Variants in FRMPD4 observed in about 807,000 individuals in gnomAD.
The protein encoded by FRMPD4 is FERM and PDZ domain containing 4, also known as FERM and PDZ domain-containing protein 4.
A neutral mutation model predicts 94.1 loss-of-function variants in FRMPD4; 22 were observed. The ratio of observed to expected loss-of-function variants is 0.23; its 90% CI spans 0.17 to 0.33. The LOEUF (loss-of-function observed/expected upper bound fraction) is 0.33. Among genes scored for constraint, FRMPD4 ranks in the 10% least tolerant of loss-of-function variants. FRMPD4 has a pLI of 1.00. For synonymous variants in FRMPD4, 631 were observed against 548.6 expected (o/e 1.15, Z -2.10); for missense variants, 1,111 against 1,339.9 (o/e 0.83, Z 2.67).
chrX:11,837,371 T>A (rs775523426), intron 1 of FRMPD4, among the ~76,000 whole-genome samples: 1 of 111,618 alleles, frequency 9.0e-6, no homozygotes, highest in Admixed American at 9.5e-5. Flanking sequence ...TTTGAGAAAA[T>A]TTTTTTGGAA....
intron 16 of FRMPD4, 96 bp downstream of exon 16, chrX:12,718,886 G>A: frequency 1.8e-6 from 1 of 547,132 alleles, no homozygotes; most frequent in South Asian, 3.2e-5. Flanking sequence ...TGGAAGAAAA[G>A]TAAAAGGTAG....
At position 12,717,202 on chromosome X, in the gene FRMPD4, CT is replaced by C. The variant is rs1454416331; in HGVS notation, c.2674+70del. Reference sequence around the variant, plus strand: ...TTCCATCCTTCCAAGCCATTTGCCCCTGGAGTCCTGTTACGTGGTGTTCTCC... The same window carrying C: ...TTCCATCCTTCCAAGCCATTTGCCCCGGAGTCCTGTTACGTGGTGTTCTCC... On this transcript the variant is annotated intron_variant, in intron 15 of 16. Transcript: ENST00000675598. 41 of 701,508 alleles carry C rather than the reference CT, an allele frequency of 5.8e-5. No homozygotes were observed. In the Admixed American group the frequency reaches 1.3e-3, roughly 22 times the overall value. 57.8% of individuals were successfully genotyped at this position (701,508 alleles called of 1,213,427 possible). A position where few individuals can be genotyped will look rare whatever the true frequency, so the allele number is the denominator to read the frequency against.
At chrX:12,522,440 T>A (rs2058172096) in intron 2 of FRMPD4, among the ~76,000 whole-genome samples, 1 of 111,443 alleles carries the variant, frequency 9.0e-6, no homozygotes, top group Admixed American at 9.5e-5. Context: ...CCACATAGAA[T>A]TCACCTCTGT....
At chrX:11,870,586 G>A (rs909981687) in intron 2 of FRMPD4, among the ~76,000 whole-genome samples, 1 of 111,215 alleles carries the variant, frequency 9.0e-6, no homozygotes, top group African/African-American at 3.3e-5. Flanking sequence ...GGGTGAGAGG[G>A]GCCCTTTTGG....
chrX:12,205,025 C>T (rs1213460419), intron 1 of FRMPD4, among the ~76,000 whole-genome samples: 2 of 105,187 alleles, frequency 1.9e-5, no homozygotes, highest in African/African-American at 3.5e-5. Context: ...TATTAGAGGG[C>T]GAAAAGCAAG....
At chrX:12,230,965 A>T (rs1293706575) in intron 1 of FRMPD4, among the ~76,000 whole-genome samples, 4 of 63,483 alleles carry the variant, frequency 6.3e-5, no homozygotes, top group East Asian at 4.0e-4. Context: ...ATATATAGTA[A>T]ATATATAGTA....
At chrX:12,538,441 C>T (rs7051154) in intron 2 of FRMPD4, among the ~76,000 whole-genome samples, 45,129 of 110,539 alleles carry the variant, frequency 0.41, 7,756 homozygotes, top group Non-Finnish European at 0.55. Context: ...CCTCTGCAGA[C>T]TTAAATATCC....
At chrX:12,491,151 A>C (rs1353632455) in intron 1 of FRMPD4, among the ~76,000 whole-genome samples, 4 of 111,755 alleles carry the variant, frequency 3.6e-5, no homozygotes, top group Non-Finnish European at 1.9e-5. Context: ...CCAAGAATCC[A>C]CATGGAATCA....
chrX:12,329,820 G>A (rs2055342696), intron 1 of FRMPD4, among the ~76,000 whole-genome samples: 1 of 96,241 alleles, frequency 1.0e-5, no homozygotes, highest in Non-Finnish European at 2.0e-5. Flanking sequence ...CTGCAGTAAA[G>A]TAACTTATTA....
chrX:12,208,210 T>G (rs1398439601), intron 1 of FRMPD4, among the ~76,000 whole-genome samples: 3 of 110,827 alleles, frequency 2.7e-5, no homozygotes, highest in Non-Finnish European at 3.8e-5. Flanking sequence ...TTATCAATAA[T>G]ATCCAGCATA....
intron 2 of FRMPD4, among the ~76,000 whole-genome samples, chrX:12,562,929 C>T (rs1048851467): frequency 8.9e-6 from 1 of 112,390 alleles, no homozygotes; most frequent in East Asian, 2.8e-4. Context: ...GGATTACAGG[C>T]ATGAGCTACC....
chrX:12,645,347 C>CTTTTTTTTTTTTTTTTTTTTTTT (rs138817056), intron 4 of FRMPD4, among the ~76,000 whole-genome samples: 7 of 55,626 alleles, frequency 1.3e-4, no homozygotes, highest in African/African-American at 5.2e-4. Context: ...CACTCTCACT[C>CTTTTTTTTTTTTTTTTTTTTTTT]TTTTTTTTTT....
chrX:11,900,482 C>G (rs764492275), intron 3 of FRMPD4, among the ~76,000 whole-genome samples: 3 of 111,647 alleles, frequency 2.7e-5, no homozygotes, highest in Non-Finnish European at 5.7e-5. Context: ...AGGGGTCGTC[C>G]CCTCTTTCTT....
intron 3 of FRMPD4, among the ~76,000 whole-genome samples, chrX:11,891,716 G>A (rs1322753006): frequency 8.9e-6 from 1 of 112,137 alleles, no homozygotes; most frequent in African/African-American, 3.2e-5. Flanking sequence ...AAAAATGGGA[G>A]TAATAATTTT....
At chrX:11,916,903 C>A (rs139559596) in intron 3 of FRMPD4, among the ~76,000 whole-genome samples, 2 of 111,443 alleles carry the variant, frequency 1.8e-5, no homozygotes, top group African/African-American at 6.5e-5. Flanking sequence ...GTGTTCCTAG[C>A]CTCCCTCACA....
At chrX:12,653,518 AG>A (rs1184445000) in intron 4 of FRMPD4, among the ~76,000 whole-genome samples, 2 of 111,879 alleles carry the variant, frequency 1.8e-5, no homozygotes, top group Non-Finnish European at 3.8e-5. Flanking sequence ...CTGGTTGAAA[AG>A]ACAGGGGTAT....
chrX:12,086,104 T>C (rs2055108852), intron 3 of FRMPD4, among the ~76,000 whole-genome samples: 1 of 104,512 alleles, frequency 9.6e-6, no homozygotes, highest in South Asian at 4.2e-4. Flanking sequence ...TGTGTGTGTG[T>C]GTGTGTGTGA....
chrX:12,709,570 A>C (rs1343308892), intron 13 of FRMPD4, among the ~76,000 whole-genome samples: 1 of 111,465 alleles, frequency 9.0e-6, no homozygotes, highest in South Asian at 3.7e-4. Context: ...ATCTAGAAGC[A>C]ACTTTTTACT....
intron 3 of FRMPD4, among the ~76,000 whole-genome samples, chrX:12,611,643 G>A (rs2059184976): frequency 8.9e-6 from 1 of 112,423 alleles, no homozygotes; most frequent in Admixed American, 9.4e-5. Flanking sequence ...CTCAAGTAGC[G>A]TCCTGGTATA....
Sources: gnomAD v4.1 joint callset for allele counts (sites outside exome capture counted in the v4.1 genomes callset) on GRCh38, gnomAD v4.1.1 for gene constraint, MANE v1.5 for transcripts, NCBI Gene and HGNC (gene_info 2026-07-23, HGNC 2026-07-21) for gene names.